Variants in SCP2 observed in about 807,000 individuals in gnomAD.
SCP2 encodes sterol carrier protein 2, also known as SCP-2/3-oxoacyl-CoA thiolase.
A neutral mutation model predicts 71.4 loss-of-function variants in SCP2; 48 were observed. That is an observed-to-expected ratio of 0.67 (90% confidence interval 0.53 to 0.86). The LOEUF is 0.86. Ranked by LOEUF, SCP2 falls within the 40% of genes least tolerant of loss-of-function variation. The pLI is 0.00. For missense variants in SCP2, 560 were observed against 655.6 expected (o/e 0.85, Z 1.59); for synonymous variants, 220 against 218.1 (o/e 1.01, Z -0.08).
At chr1:52,950,656 C>A in intron 3 of SCP2, 99 bp from the exon 4 acceptor site, 1 of 925,706 alleles carries the variant, frequency 1.1e-6, no homozygotes, top group Non-Finnish European at 1.7e-6. Context: ...ATGTTATATG[C>A]TAGGCAAAGG....
rs1652519343 is a variant in SCP2, at chr1:52,927,375, C to G, written c.-22C>G. 1 of 1,569,110 alleles carries G rather than the reference C, an allele frequency of 6.4e-7. No homozygotes were observed. ...CCGGCAGTCGTCCGCGGCGCCCGCCCCGGTCCCGCACTGGTGCAGCCATGT... is the reference window on the plus strand; with the variant it reads ...CCGGCAGTCGTCCGCGGCGCCCGCCGCGGTCCCGCACTGGTGCAGCCATGT... On this transcript the variant is annotated 5_prime_UTR_variant, in exon 1 of 16. Transcript: ENST00000371514.
chr1:53,019,940 G>T (rs948783359), intron 12 of SCP2, among the ~76,000 whole-genome samples: 1 of 152,122 alleles, frequency 6.6e-6, no homozygotes, highest in Non-Finnish European at 1.5e-5. Context: ...AGGCTGGAGC[G>T]CAGTAGCACA....
At chr1:52,935,686 C>G (rs1653672968) in intron 1 of SCP2, among the ~76,000 whole-genome samples, 1 of 152,014 alleles carries the variant, frequency 6.6e-6, no homozygotes, top group Non-Finnish European at 1.5e-5. Context: ...GCCTGTAATC[C>G]CAGCAGTTGG....
chr1:52,950,968 T>C, intron 4 of SCP2, 82 bp downstream of exon 4: 2 of 1,473,524 alleles, frequency 1.4e-6, no homozygotes, highest in Non-Finnish European at 9.5e-7. Flanking sequence ...AATTATTTTA[T>C]AATGTATTTG....
intron 11 of SCP2, among the ~76,000 whole-genome samples, chr1:52,992,415 T>C (rs1659579775): frequency 6.6e-6 from 1 of 152,210 alleles, no homozygotes; most frequent in South Asian, 2.1e-4. Flanking sequence ...ACAGTTTTAG[T>C]TTTTTGAATC....
chr1:53,037,916 A>G (rs1663098088), intron 13 of SCP2, among the ~76,000 whole-genome samples: 1 of 127,338 alleles, frequency 7.9e-6, no homozygotes, highest in Admixed American at 7.7e-5. Context: ...ACACACACAC[A>G]CACACACACA....
chr1:53,021,942 G>A (rs1008096072), intron 12 of SCP2, among the ~76,000 whole-genome samples: 1 of 152,188 alleles, frequency 6.6e-6, no homozygotes, highest in Non-Finnish European at 1.5e-5. Flanking sequence ...ACCATGCCCG[G>A]CCTCATCAAC....
At chr1:52,955,175 A>G (rs1206385437) in intron 5 of SCP2, among the ~76,000 whole-genome samples, 1 of 152,232 alleles carries the variant, frequency 6.6e-6, no homozygotes, top group East Asian at 1.9e-4. Flanking sequence ...AACAACTAAA[A>G]TATTTGGATA....
At chr1:52,960,821 C>G (rs146783756) in intron 5 of SCP2, among the ~76,000 whole-genome samples, 2 of 149,452 alleles carry the variant, frequency 1.3e-5, no homozygotes, top group Non-Finnish European at 3.0e-5. Context: ...GGTGTGATCT[C>G]GGCTCACTGC....
intron 2 of SCP2, among the ~76,000 whole-genome samples, chr1:52,942,824 C>T (rs113560470): frequency 0.055 from 8,362 of 150,858 alleles, 386 homozygotes; most frequent in African/African-American, 0.12. Context: ...CTCAGCCTCC[C>T]GAGTAGCTGG....
chr1:52,929,477 ACTCT>A (rs1194212521), intron 1 of SCP2, among the ~76,000 whole-genome samples: 2 of 151,662 alleles, frequency 1.3e-5, no homozygotes, highest in Non-Finnish European at 2.9e-5. Context: ...ACAGAGTCTC[ACTCT>A]GTCCCCCAGT....
At position 52,954,870 on chromosome 1, in the gene SCP2, T is replaced by TA. The variant is rs939807106; in HGVS notation, c.396+67dup. 114 of 1,067,252 alleles carry TA rather than the reference T, an allele frequency of 1.1e-4. No individual in the cohort carries two copies. In the Admixed American group the frequency reaches 1.9e-3, roughly 17 times the overall value. The allele number at this position is 1,067,252 out of a possible 1,614,324, so 66.1% of individuals were successfully genotyped here. Reference sequence around the variant, plus strand: ...AACCCAAAAGTTGAAAGGTGATACTTACATGTATGCATAGATCTTGGTATT... The same window carrying TA: ...AACCCAAAAGTTGAAAGGTGATACTTAACATGTATGCATAGATCTTGGTATT... On this transcript the variant is annotated intron_variant, in intron 5 of 15. Transcript: ENST00000371514.
At chr1:52,950,991 C>A in intron 4 of SCP2, 105 bp downstream of exon 4, 1 of 1,327,326 alleles carries the variant, frequency 7.5e-7, no homozygotes, top group South Asian at 1.2e-5. Context: ...TTAAAAAAGT[C>A]TTCATCAGGC....
At chr1:52,993,638 T>C in intron 11 of SCP2, 2 of 1,612,488 alleles carry the variant, frequency 1.2e-6, no homozygotes, top group Non-Finnish European at 1.7e-6. Context: ...TGCTCTGTCA[T>C]CTATCACACA....
intron 12 of SCP2, among the ~76,000 whole-genome samples, chr1:53,019,566 G>A (rs1266268567): frequency 6.6e-6 from 1 of 152,100 alleles, no homozygotes; most frequent in Non-Finnish European, 1.5e-5. Flanking sequence ...TCAGCCCTAG[G>A]ATCAGTCATT....
chr1:52,998,725 C>A (rs1429630831), intron 11 of SCP2, among the ~76,000 whole-genome samples: 1 of 152,116 alleles, frequency 6.6e-6, no homozygotes, highest in Non-Finnish European at 1.5e-5. Context: ...GTGCAGATTG[C>A]CAAATTTTCT....
At chr1:52,995,238 G>A in intron 11 of SCP2, 1 of 499,520 alleles carries the variant, frequency 2.0e-6, no homozygotes, top group South Asian at 1.6e-5. Context: ...CACCCAAAGT[G>A]TCTGACACCG....
intron 12 of SCP2, among the ~76,000 whole-genome samples, chr1:53,026,682 C>T (rs1391553078): frequency 6.6e-6 from 1 of 152,082 alleles, no homozygotes; most frequent in African/African-American, 2.4e-5. Context: ...TGGTGGCATG[C>T]GCCTATAGTC....
intron 12 of SCP2, among the ~76,000 whole-genome samples, chr1:53,022,254 C>G (rs1661802733): frequency 1.3e-5 from 2 of 152,174 alleles, no homozygotes; most frequent in Admixed American, 6.5e-5. Flanking sequence ...TGGCTTCTTT[C>G]ATTTAGCATA....
Sources: gnomAD v4.1 joint callset for allele counts (sites outside exome capture counted in the v4.1 genomes callset) on GRCh38, gnomAD v4.1.1 for gene constraint, MANE v1.5 for transcripts, NCBI Gene and HGNC (gene_info 2026-07-23, HGNC 2026-07-21) for gene names.